Variants in CRYBG1 observed in about 807,000 individuals in gnomAD.
CRYBG1 encodes the protein beta/gamma crystallin domain-containing protein 1.
A neutral mutation model predicts 189.2 loss-of-function variants in CRYBG1; 139 were observed. That is an observed-to-expected ratio of 0.73 (90% CI 0.64 to 0.85). CRYBG1 has a LOEUF of 0.85. Ranked by LOEUF, CRYBG1 falls within the 40% of genes least tolerant of loss-of-function variation. CRYBG1 has a pLI of 0.00. For missense variants in CRYBG1, 2,611 were observed against 2,675.8 expected, an observed-to-expected ratio of 0.98 and a Z score of 0.53; for synonymous variants, 1,023 against 1,017.1, an observed-to-expected ratio of 1.01 and a Z score of -0.11.
chr6:106,563,945 A>G lies in CRYBG1; in HGVS notation c.6301+19A>G. 6.3e-7 allele frequency: 1 copy of G among 1,592,512 alleles called. No individual in the cohort carries two copies. The highest frequency in any genetic ancestry group is 8.6e-7 in the Non-Finnish European group (1 of 1,161,670). ...ATTAAAGGTAAGGGTCACTTCCTTT[A>G]TTTTCTTTATTGTAATGTGTATGTC... On this transcript the variant is annotated intron_variant, in intron 21 of 21. Coordinates refer to ENST00000633556, the MANE Select transcript of CRYBG1 (RefSeq NM_001371242.2).
chr6:106,521,365 A>G lies in CRYBG1; in HGVS notation c.4157A>G (p.Asn1386Ser). The G allele has an allele frequency of 6.2e-7, 1 of 1,614,064 alleles. No homozygotes were observed. The highest frequency in any genetic ancestry group is 8.5e-7 in the Non-Finnish European group (1 of 1,180,018). Residue 1386 changes from asparagine (N) to serine (S), a missense_variant, in exon 4 of 22, where the codon AAC becomes AGC. Around this residue, in one of 3 missense-constraint regions of CRYBG1, gnomAD observed 1,622 missense variants for 1,735.0 expected, o/e 0.93. Transcript: ENST00000633556. ...AAATCAAACTTGCCAAACTGTGCAA[A>G]CAGTGACACCGACTTCATGGGTCTT... ...VIKSNLPNCA[N>S]SDTDFMGLFK...
chr6:106,410,655 A>C (rs7766718), intron 1 of CRYBG1, among the ~76,000 whole-genome samples: 79,609 of 152,110 alleles, frequency 0.52, 21,134 homozygotes, highest in South Asian at 0.74. Context: ...TGGATAAAGA[A>C]AACATGCCAC....
chr6:106,416,470 A>T (rs535009407), intron 1 of CRYBG1, among the ~76,000 whole-genome samples: 1 of 152,212 alleles, frequency 6.6e-6, no homozygotes, highest in African/African-American at 2.4e-5. Flanking sequence ...TTCATTTTAT[A>T]TAAGCCTGAG....
At chr6:106,492,949 A>G (rs890058324) in intron 2 of CRYBG1, among the ~76,000 whole-genome samples, 3 of 149,786 alleles carry the variant, frequency 2.0e-5, no homozygotes, top group Non-Finnish European at 4.4e-5. Context: ...TCTTTTCACA[A>G]ATTAACCTTT....
chr6:106,565,584 G>A (rs1278094783), intron 21 of CRYBG1, among the ~76,000 whole-genome samples: 21 of 152,110 alleles, frequency 1.4e-4, no homozygotes, highest in Admixed American at 1.4e-3. Flanking sequence ...TTCATTAAAG[G>A]GGGCACTTAG....
chr6:106,512,489 A>T lies in CRYBG1; in HGVS notation c.1372A>T (p.Ser458Cys). Residue 458 changes from serine to cysteine, a missense_variant, in exon 3 of 22, where the codon AGC becomes TGC. Physicochemically the swap from Ser to Cys is moderately radical, Grantham distance 112 (BLOSUM62 -1). Coordinates refer to ENST00000633556, the MANE Select transcript of CRYBG1 (RefSeq NM_001371242.2). ...FDDEVAPNAA[S>C]DNASAEKKVK... ...CGACGAGGTGGCGCCAAACGCGGCC[A>T]GCGATAACGCCTCGGCGGAAAAGAA... is the stretch of plus-strand genomic sequence containing the variant. 1 of 1,611,504 alleles carries T rather than the reference A, an allele frequency of 6.2e-7. No individual in the cohort carries two copies. The highest frequency in any genetic ancestry group is 8.5e-7 in the Non-Finnish European group (1 of 1,179,306).
At chr6:106,439,158 T>G (rs1199801750) in intron 1 of CRYBG1, among the ~76,000 whole-genome samples, 1 of 152,186 alleles carries the variant, frequency 6.6e-6, no homozygotes, top group South Asian at 2.1e-4. Context: ...GGAAATTAAT[T>G]TTGCTAATAA....
chr6:106,452,443 G>A (rs143147350), intron 2 of CRYBG1, among the ~76,000 whole-genome samples: 1,815 of 149,588 alleles, frequency 0.012, 19 homozygotes, highest in Non-Finnish European at 0.02. Context: ...AAAAAAGAAT[G>A]AGCTTAATAA....
At chr6:106,427,052 C>T (rs1771240641) in intron 1 of CRYBG1, among the ~76,000 whole-genome samples, 1 of 152,124 alleles carries the variant, frequency 6.6e-6, no homozygotes, top group Admixed American at 6.5e-5. Context: ...CTTTTTGCCT[C>T]TTTTGCTGGT....
chr6:106,517,227 T>C (rs943397015), intron 3 of CRYBG1, among the ~76,000 whole-genome samples: 1 of 150,278 alleles, frequency 6.7e-6, no homozygotes, highest in Non-Finnish European at 1.5e-5. Flanking sequence ...CCCAGGCTGG[T>C]CTTGAACCCC....
chr6:106,513,068 T>C (rs900332038), intron 3 of CRYBG1, 29 bp downstream of exon 3: 1 of 1,583,016 alleles, frequency 6.3e-7, no homozygotes, highest in African/African-American at 1.3e-5. Context: ...CCCGGCCGAG[T>C]TGCTGTCCGC....
Position 106,571,823 on chromosome 6 carries a change from G to A in CRYBG1, c.*3257G>A. 1 of 543,460 alleles carries A rather than the reference G, an allele frequency of 1.8e-6. No individual in the cohort carries two copies. The highest frequency in any genetic ancestry group is 3.3e-6 in the Non-Finnish European group (1 of 304,674). 33.7% of individuals were successfully genotyped at this position (543,460 alleles called of 1,614,324 possible). Reference sequence around the variant, plus strand: ...CTGACTACAGACAAATCCAAGTGCTGATATTTTTATATCAATTACTGGCCA... The same window carrying A: ...CTGACTACAGACAAATCCAAGTGCTAATATTTTTATATCAATTACTGGCCA... On this transcript the variant is annotated 3_prime_UTR_variant, in exon 22 of 22. Transcript: ENST00000633556.
rs3067978 is a variant in CRYBG1, at chr6:106,375,385, TTAAGTAAG to T, written c.173+14336_173+14343del. 4.1e-3 allele frequency among the ~76,000 whole-genome samples: 591 copies of T among 145,074 alleles called. 3 individuals are homozygous for T. Among genetic ancestry groups the T allele is most frequent in the African/African-American group, 0.014 (558 of 39,368 alleles). On this transcript the variant is annotated intron_variant, in intron 1 of 21. Transcript: ENST00000633556. ...TGGGAGACAGAGTGAGGCCCTGTCT[TTAAGTAAG>T]TAAGTAAGTAAGTAAGTAAGTAAGT...
chr6:106,413,677 C>CAAAAAA (rs557608428), intron 1 of CRYBG1, among the ~76,000 whole-genome samples: 25 of 141,146 alleles, frequency 1.8e-4, no homozygotes, highest in Non-Finnish European at 1.2e-4. Flanking sequence ...GATTTTGTCT[C>CAAAAAA]AAAAAAAAAA....
At chr6:106,495,128 C>T (rs1215876663) in intron 2 of CRYBG1, among the ~76,000 whole-genome samples, 1 of 152,210 alleles carries the variant, frequency 6.6e-6, no homozygotes, top group East Asian at 1.9e-4. Flanking sequence ...CTCTTTAACA[C>T]TTTCAACTCT....
intron 4 of CRYBG1, 55 bp downstream of exon 4, chr6:106,521,508 A>G: frequency 6.7e-7 from 1 of 1,483,770 alleles, no homozygotes; most frequent in South Asian, 1.4e-5. Flanking sequence ...AAGGGAAGAG[A>G]AGGATGATGA....
intron 9 of CRYBG1, among the ~76,000 whole-genome samples, chr6:106,539,929 A>G (rs941288743): frequency 6.6e-6 from 1 of 152,238 alleles, no homozygotes; most frequent in Non-Finnish European, 1.5e-5. Context: ...TTCATGCTAA[A>G]TTAAATTCAG....
At chr6:106,485,022 T>C (rs543130850) in intron 2 of CRYBG1, among the ~76,000 whole-genome samples, 4 of 152,184 alleles carry the variant, frequency 2.6e-5, no homozygotes, top group Non-Finnish European at 4.4e-5. Context: ...TCTTTTTCTA[T>C]TTCTGTGAAT....
intron 1 of CRYBG1, among the ~76,000 whole-genome samples, chr6:106,373,846 C>T (rs978518773): frequency 6.6e-6 from 1 of 152,218 alleles, no homozygotes; most frequent in Admixed American, 6.5e-5. Flanking sequence ...TGTCTTAAAC[C>T]ACTCTCTTTT....
Sources: allele counts gnomAD v4.1 joint callset (sites outside exome capture counted in the v4.1 genomes callset), GRCh38; gene constraint gnomAD v4.1.1; regional missense constraint gnomAD v4.1.1; transcripts MANE v1.5; gene names NCBI Gene and HGNC (gene_info 2026-07-23, HGNC 2026-07-21).